Variants in ZNF574 observed in about 807,000 individuals in gnomAD.
ZNF574 encodes zinc finger protein 574.
In ZNF574, 25 loss-of-function variants were observed where a neutral mutation model predicts 56.6. The ratio of observed to expected loss-of-function variants is 0.44; its 90% CI spans 0.32 to 0.62. ZNF574 has a LOEUF of 0.62. Ranked by LOEUF, ZNF574 falls within the 20% of genes least tolerant of loss-of-function variation. The pLI is 0.04. For missense variants in ZNF574, 1,065 were observed against 1,218.9 expected (o/e 0.87, Z 1.88); for synonymous variants, 543 against 492.1 (o/e 1.10, Z -1.37).
chr19:42,079,703 G>A lies in ZNF574; in HGVS notation c.1097G>A (p.Cys366Tyr). ...CATAGCAGCGAGTCACACTTCCTGT[G>A]TGTAGACTGTGGCCTGGCCTTCGGC... ...GDHSSESHFL[C>Y]VDCGLAFGTE... The change falls in exon 2 of 2, where the codon TGT (cysteine) becomes TAT (tyrosine). Residue 366 changes from cysteine (C) to tyrosine (Y), a missense_variant. Transcript: ENST00000359044. This position sits in a 1 kb window ranked among gnomAD's most constrained non-coding sequence, Gnocchi z 4.3. 6.2e-7 allele frequency: 1 copy of A among 1,614,168 alleles called. No homozygotes were observed. Among genetic ancestry groups the A allele is most frequent in the Non-Finnish European group, 8.5e-7 (1 of 1,180,030 alleles).
Position 42,079,944 on chromosome 19 carries a change from G to A in ZNF574, c.1338G>A (p.Glu446=). ...EPAPAETGEP[E]APEPPVSEET... is the part of the protein sequence containing the mutation. ...CCCCAGCAGAGACTGGAGAGCCAGA[G>A]GCCCCTGAGCCCCCTGTGTCTGAGG... Residue 446 remains glutamate, a synonymous_variant, in exon 2 of 2, where the codon GAG becomes GAA. Transcript: ENST00000359044. The surrounding 1 kb of genome is among the most constrained non-coding windows in gnomAD (Gnocchi z 4.3). The A allele has an allele frequency of 6.2e-7, 1 of 1,613,770 alleles. No homozygotes were observed. Among genetic ancestry groups the A allele is most frequent in the Non-Finnish European group, 8.5e-7 (1 of 1,180,000 alleles).
In ZNF574 at chr19:42,079,834, C is replaced by T. The variant is rs779518614; in HGVS notation, c.1228C>T (p.Arg410Trp). The T allele has an allele frequency of 3.1e-6, 5 of 1,614,148 alleles. No individual in the cohort carries two copies. Among genetic ancestry groups the T allele is most frequent in the Admixed American group, 1.7e-5 (1 of 60,024 alleles). The part of the protein sequence containing the change: ...FVNLTKFLYH[R>W]RTHGVGGVPL... ...CAACCTTACCAAGTTCCTTTATCACCGGCGTACTCATGGGGTAGGGGGTGT... is the reference window on the plus strand; with the variant it reads ...CAACCTTACCAAGTTCCTTTATCACTGGCGTACTCATGGGGTAGGGGGTGT... Residue 410 changes from arginine to tryptophan, a missense_variant, in exon 2 of 2, where the codon CGG (arginine) becomes TGG (tryptophan). Physicochemically the swap from Arg to Trp is moderately radical, Grantham distance 101 (BLOSUM62 -3). Coordinates refer to ENST00000359044, the MANE Select transcript of ZNF574 (RefSeq NM_022752.6). The surrounding 1 kb of genome is among the most constrained non-coding windows in gnomAD (Gnocchi z 4.3).
In ZNF574 at chr19:42,081,434, C is replaced by T. The variant is rs1251476362; in HGVS notation, c.*137C>T. ...TTGTAAGTTCTAAATTGGATTTATTCTCTCGTGAGGGGGGTGCTCTGGGGT... is the reference window on the plus strand; with the variant it reads ...TTGTAAGTTCTAAATTGGATTTATTTTCTCGTGAGGGGGGTGCTCTGGGGT... On this transcript the variant is annotated 3_prime_UTR_variant, in exon 2 of 2. Coordinates refer to ENST00000359044, the MANE Select transcript of ZNF574 (RefSeq NM_022752.6). 1.7e-6 allele frequency: 2 copies of T among 1,206,876 alleles called. No homozygotes were observed. Among genetic ancestry groups the T allele is most frequent in the Non-Finnish European group, 1.2e-6 (1 of 834,666 alleles). The allele number at this position is 1,206,876 out of a possible 1,614,324, so 74.8% of individuals were successfully genotyped here. A position where few individuals can be genotyped will look rare whatever the true frequency, so the allele number is the denominator to read the frequency against.
intron 1 of ZNF574, among the ~76,000 whole-genome samples, chr19:42,076,665 C>T (rs1032004912): frequency 4.6e-5 from 7 of 152,194 alleles, no homozygotes; most frequent in Non-Finnish European, 1.0e-4. Flanking sequence ...GCCGGTTAGA[C>T]GGCACGTGGG....
chr19:42,079,602 G>C lies in ZNF574; in HGVS notation c.996G>C (p.Arg332=). 6.2e-7 allele frequency: 1 copy of C among 1,614,140 alleles called. No individual in the cohort carries two copies. Among genetic ancestry groups the C allele is most frequent in the East Asian group, 2.2e-5 (1 of 44,872 alleles). The change falls in exon 2 of 2, where the codon CGG becomes CGC. Residue 332 remains arginine, a synonymous_variant. Transcript: ENST00000359044. This position sits in a 1 kb window ranked among gnomAD's most constrained non-coding sequence, Gnocchi z 4.3. ...HQLQQHLRSH[R]EGVFKCPLCS... is the part of the protein sequence containing the mutation. ...TACAGCAGCACCTGCGGAGTCACCG[G>C]GAGGGCGTCTTTAAGTGCCCCCTGT...
In ZNF574 at chr19:42,079,593, G is replaced by A; in HGVS notation, c.987G>A (p.Arg329=). 1 of 1,614,162 alleles carries A rather than the reference G, an allele frequency of 6.2e-7. No homozygotes were observed. The highest frequency in any genetic ancestry group is 1.6e-4 in the Middle Eastern group (1 of 6,062). ...LSPHQLQQHL[R]SHREGVFKCP... Reference sequence around the variant, plus strand: ...CCCACCAGCTACAGCAGCACCTGCGGAGTCACCGGGAGGGCGTCTTTAAGT... The same window carrying A: ...CCCACCAGCTACAGCAGCACCTGCGAAGTCACCGGGAGGGCGTCTTTAAGT... Residue 329 remains arginine (R), a synonymous_variant, in exon 2 of 2, where the codon CGG becomes CGA. Transcript: ENST00000359044. This position sits in a 1 kb window ranked among gnomAD's most constrained non-coding sequence, Gnocchi z 4.3.
At chr19:42,072,173 G>A (rs563994363), upstream of ZNF574, among the ~76,000 whole-genome samples, 1 of 151,460 alleles carries the variant, frequency 6.6e-6, no homozygotes, top group South Asian at 2.1e-4. Context: ...ATCAAGTTGA[G>A]AAGTCCAAGC....
At position 42,081,471 on chromosome 19, in the gene ZNF574, A is replaced by G. The variant is rs1297079577; in HGVS notation, c.*174A>G. On this transcript the variant is annotated 3_prime_UTR_variant, in exon 2 of 2. Transcript: ENST00000359044. ...GGGTGCTCTGGGGTCCTTGACACAC[A>G]TAAAGGTGCCCCCCCACCTTCCACC... is the stretch of plus-strand genomic sequence containing the variant. The G allele has an allele frequency of 3.6e-6, 3 of 825,394 alleles. No individual in the cohort carries two copies. The highest frequency in any genetic ancestry group is 2.3e-5 in the Admixed American group (1 of 43,182). 51.1% of individuals were successfully genotyped at this position (825,394 alleles called of 1,614,324 possible).
chr19:42,077,195 G>A (rs1185647552), intron 1 of ZNF574, among the ~76,000 whole-genome samples: 2 of 152,086 alleles, frequency 1.3e-5, no homozygotes, highest in Non-Finnish European at 2.9e-5. Context: ...AGAGGGGCTT[G>A]AGTGTGAGGA....
chr19:42,081,399 C>A lies in ZNF574; in HGVS notation c.*102C>A. The A allele has an allele frequency of 7.0e-7, 1 of 1,438,128 alleles. No individual in the cohort carries two copies. Among genetic ancestry groups the A allele is most frequent in the Non-Finnish European group, 9.7e-7 (1 of 1,026,184 alleles). The allele number at this position is 1,438,128 out of a possible 1,614,324, so 89.1% of individuals were successfully genotyped here. A position where few individuals can be genotyped will look rare whatever the true frequency, so the allele number is the denominator to read the frequency against. On this transcript the variant is annotated 3_prime_UTR_variant, in exon 2 of 2. Coordinates refer to ENST00000359044, the MANE Select transcript of ZNF574 (RefSeq NM_022752.6). ...ATACTGTGTCCCTTCCTCTTCCCAT[C>A]CCCACCACCTTGTAAGTTCTAAATT... is the stretch of plus-strand genomic sequence containing the variant.
chr19:42,069,223 T>G, intron 1 of ZNF574: 1 of 272,998 alleles, frequency 3.7e-6, no homozygotes, highest in East Asian at 6.0e-5. Context: ...GCCCAATCCC[T>G]GCCCTGCAGA....
intron 1 of ZNF574, among the ~76,000 whole-genome samples, chr19:42,076,586 G>A (rs1046156766): frequency 6.6e-6 from 1 of 152,168 alleles, no homozygotes; most frequent in African/African-American, 2.4e-5. Context: ...TCCCAAGAGG[G>A]CTCCGCGGCT....
At chr19:42,072,689 C>A (rs1319603816), upstream of ZNF574, among the ~76,000 whole-genome samples, 1 of 152,162 alleles carries the variant, frequency 6.6e-6, no homozygotes, top group Non-Finnish European at 1.5e-5. Flanking sequence ...GCCTCAGCCT[C>A]CCGCGTAGCT....
At position 42,079,462 on chromosome 19, in the gene ZNF574, C is replaced by T. The variant is rs770591204; in HGVS notation, c.856C>T (p.Arg286Trp). The change falls in exon 2 of 2, where the codon CGG (arginine) becomes TGG (tryptophan). Residue 286 changes from arginine to tryptophan, a missense_variant. Transcript: ENST00000359044. The surrounding 1 kb of genome is among the most constrained non-coding windows in gnomAD (Gnocchi z 4.3). ...GCTGCGCAATGGTGAAGCCATTGGG[C>T]GGGATCGCCGGGGGCGCAGGGCCCG... ...YELRNGEAIGRDRRGRRARRN... is the reference protein window; with the variant it reads ...YELRNGEAIGWDRRGRRARRN... 16 of 1,613,452 alleles carry T rather than the reference C, an allele frequency of 9.9e-6. No homozygotes were observed. The highest frequency in any genetic ancestry group is 2.2e-5 in the South Asian group (2 of 91,090).
At chr19:42,078,347 A>G (rs184789347) in intron 1 of ZNF574, among the ~76,000 whole-genome samples, 103 of 152,186 alleles carry the variant, frequency 6.8e-4, no homozygotes, top group African/African-American at 2.4e-3. Flanking sequence ...GTTTGATGCA[A>G]GTTGATACAG....
In ZNF574 at chr19:42,080,244, A is replaced by G. The variant is rs767940739; in HGVS notation, c.1638A>G (p.Thr546=). 1.2e-6 allele frequency: 2 copies of G among 1,614,030 alleles called. No individual in the cohort carries two copies. Among genetic ancestry groups the G allele is most frequent in the Non-Finnish European group, 1.7e-6 (2 of 1,180,006 alleles). Residue 546 remains threonine (T), a synonymous_variant, in exon 2 of 2, where the codon ACA becomes ACG. Coordinates refer to ENST00000359044, the MANE Select transcript of ZNF574 (RefSeq NM_022752.6). The surrounding 1 kb of genome is among the most constrained non-coding windows in gnomAD (Gnocchi z 8.5). ...TGGCCCGCCACCGGCTCACACACAC[A>G]GGAGAGCGGCCCTACCGGTGTGGGG... ...ANLARHRLTH[T]GERPYRCGDC...
intron 1 of ZNF574, chr19:42,069,050 A>G (rs1460505804): frequency 6.5e-6 from 3 of 462,856 alleles, no homozygotes; most frequent in South Asian, 3.9e-5. Context: ...TGTACCCAGA[A>G]GAAGAGGTGA....
In ZNF574 at chr19:42,079,125, C is replaced by T; in HGVS notation, c.519C>T (p.Gly173=). Residue 173 remains glycine (G), a synonymous_variant, in exon 2 of 2, where the codon GGC becomes GGT. Transcript: ENST00000359044. The surrounding 1 kb of genome is among the most constrained non-coding windows in gnomAD (Gnocchi z 4.3). Reference sequence around the variant, plus strand: ...CAGTTGTTCTAGGGCCTCCTGTGGGCCAGGCCCGAGTGGCTGTGGAGCACT... The same window carrying T: ...CAGTTGTTCTAGGGCCTCCTGTGGGTCAGGCCCGAGTGGCTGTGGAGCACT... ...GSPVVLGPPV[G]QARVAVEHSY... 2 of 1,613,980 alleles carry T rather than the reference C, an allele frequency of 1.2e-6. No individual in the cohort carries two copies. Among genetic ancestry groups the T allele is most frequent in the Non-Finnish European group, 1.7e-6 (2 of 1,179,934 alleles).
chr19:42,074,583 T>A (rs2076444558), upstream of ZNF574: 3 of 152,142 alleles, frequency 2.0e-5, no homozygotes, highest in South Asian at 6.4e-4. Context: ...AATGGGGCTG[T>A]TATTAGCCCC....
Sources: gnomAD v4.1 joint callset for allele counts (sites outside exome capture counted in the v4.1 genomes callset) on GRCh38, gnomAD v4.1.1 for gene constraint, Gnocchi (gnomAD v3.1) non-coding constraint, MANE v1.5 for transcripts, NCBI Gene and HGNC (gene_info 2026-07-23, HGNC 2026-07-21) for gene names.